Variants in DAB1 observed in about 807,000 individuals in gnomAD.
DAB1 encodes disabled homolog 1.
A neutral mutation model predicts 64.6 loss-of-function variants in DAB1; 15 were observed. The ratio of observed to expected loss-of-function variants is 0.23; its 90% CI spans 0.16 to 0.36. The LOEUF (loss-of-function observed/expected upper bound fraction) is 0.36. Among genes scored for constraint, DAB1 ranks in the 10% least tolerant of loss-of-function variants. The probability of loss-of-function intolerance (pLI) is 1.00; values close to 1 mark genes in which losing one functional copy is unlikely to be tolerated. For missense variants in DAB1, 596 were observed against 706.7 expected (o/e 0.84, Z 1.78); for synonymous variants, 235 against 251.9 (o/e 0.93, Z 0.64).
chr1:58,017,923 T>C (rs1646763933), intron 5 of DAB1, among the ~76,000 whole-genome samples: 1 of 152,226 alleles, frequency 6.6e-6, no homozygotes, highest in South Asian at 2.1e-4. Flanking sequence ...AGCACTGTGC[T>C]TGGCACTTTA....
chr1:57,067,987 G>A (rs534092862), intron 8 of DAB1, among the ~76,000 whole-genome samples: 3 of 152,248 alleles, frequency 2.0e-5, no homozygotes, highest in Admixed American at 1.3e-4. Context: ...AGAGAGCCTG[G>A]ACTACAACCC....
intron 3 of DAB1, among the ~76,000 whole-genome samples, chr1:58,454,475 A>G (rs1645171299): frequency 6.6e-6 from 1 of 152,134 alleles, no homozygotes; most frequent in Non-Finnish European, 1.5e-5. Flanking sequence ...GTTCACCTTG[A>G]GCAAGAGACG....
chr1:57,832,771 T>G (rs1652646214), intron 1 of DAB1, among the ~76,000 whole-genome samples: 2 of 152,140 alleles, frequency 1.3e-5, no homozygotes, highest in African/African-American at 4.8e-5. Flanking sequence ...TCCTGAGTCT[T>G]TGGTTATTCA....
chr1:57,791,765 C>G (rs1323839), intron 6 of DAB1, among the ~76,000 whole-genome samples: 3 of 152,086 alleles, frequency 2.0e-5, no homozygotes, highest in African/African-American at 7.3e-5. Context: ...TTGTCCTCCC[C>G]ACTGACAGTC....
intron 7 of DAB1, among the ~76,000 whole-genome samples, chr1:57,529,465 A>G (rs907807561): frequency 6.6e-6 from 1 of 152,150 alleles, no homozygotes; most frequent in African/African-American, 2.4e-5. Flanking sequence ...AGACTTAACT[A>G]TATATCATTT....
chr1:57,962,688 A>G (rs1018071228), intron 5 of DAB1, among the ~76,000 whole-genome samples: 1 of 151,686 alleles, frequency 6.6e-6, no homozygotes, highest in East Asian at 1.9e-4. Context: ...CCTGGATAAC[A>G]TAATCTCTAC....
At chr1:57,451,101 TC>T (rs548570314) in intron 7 of DAB1, among the ~76,000 whole-genome samples, 1 of 152,104 alleles carries the variant, frequency 6.6e-6, no homozygotes, top group Non-Finnish European at 1.5e-5. Flanking sequence ...TCCTTACAGG[TC>T]TATTCCTTGC....
At chr1:57,350,515 A>G (rs1678500526) in intron 1 of DAB1, among the ~76,000 whole-genome samples, 1 of 152,096 alleles carries the variant, frequency 6.6e-6, no homozygotes, top group South Asian at 2.1e-4. Context: ...CTTGGCCCCG[A>G]CTGCTGAATG....
chr1:57,034,413 C>A (rs1036577825), intron 9 of DAB1, among the ~76,000 whole-genome samples: 1 of 152,158 alleles, frequency 6.6e-6, no homozygotes, highest in African/African-American at 2.4e-5. Flanking sequence ...TCCTGAGTGT[C>A]CTCAGTACAT....
intron 4 of DAB1, among the ~76,000 whole-genome samples, chr1:58,152,567 G>T (rs2100735554): frequency 6.6e-6 from 1 of 152,266 alleles, no homozygotes; most frequent in Middle Eastern, 3.4e-3. Context: ...TGCAAAATGG[G>T]GAGAATGATG....
intron 4 of DAB1, among the ~76,000 whole-genome samples, chr1:58,237,800 G>A (rs1252814991): frequency 6.6e-6 from 1 of 152,102 alleles, no homozygotes; most frequent in Non-Finnish European, 1.5e-5. Flanking sequence ...TGTCATAGAT[G>A]ACCACTTTAC....
chr1:58,497,850 T>C (rs1262531335), intron 3 of DAB1, among the ~76,000 whole-genome samples: 3 of 152,166 alleles, frequency 2.0e-5, no homozygotes, highest in African/African-American at 7.2e-5. Context: ...TTAGTTTCAG[T>C]TGAAGATGGT....
chr1:57,912,104 CT>C (rs372146335), intron 5 of DAB1, among the ~76,000 whole-genome samples: 2 of 152,312 alleles, frequency 1.3e-5, no homozygotes, highest in African/African-American at 4.8e-5. Flanking sequence ...AATAATTCCA[CT>C]TCTGCAAATC....
chr1:57,267,332 A>G (rs1384243501), intron 2 of DAB1, among the ~76,000 whole-genome samples: 2 of 152,120 alleles, frequency 1.3e-5, no homozygotes, highest in Non-Finnish European at 2.9e-5. Flanking sequence ...CTGAGAAAGT[A>G]CATTTCTGTT....
At chr1:58,335,695 T>TG (rs1263464598) in intron 4 of DAB1, among the ~76,000 whole-genome samples, 8 of 151,998 alleles carry the variant, frequency 5.3e-5, no homozygotes, top group African/African-American at 1.9e-4. Flanking sequence ...ACTGGTTGGA[T>TG]GGGGATTATA....
intron 5 of DAB1, among the ~76,000 whole-genome samples, chr1:57,986,814 T>A (rs977112100): frequency 4.6e-5 from 7 of 152,222 alleles, no homozygotes; most frequent in African/African-American, 1.7e-4. Context: ...GTAACCATTA[T>A]TATTCAAATT....
At chr1:57,257,982 T>C (rs1669891592) in intron 2 of DAB1, among the ~76,000 whole-genome samples, 1 of 152,222 alleles carries the variant, frequency 6.6e-6, no homozygotes, top group Admixed American at 6.5e-5. Flanking sequence ...CAATATCCCA[T>C]GTAAGGCAAC....
intron 6 of DAB1, among the ~76,000 whole-genome samples, chr1:57,679,652 A>G (rs1558603680): frequency 6.6e-6 from 1 of 152,246 alleles, no homozygotes; most frequent in Non-Finnish European, 1.5e-5. Flanking sequence ...CACAAGCACA[A>G]GCACACGCAC....
At chr1:57,013,523 T>G (rs1414552318) in intron 12 of DAB1, among the ~76,000 whole-genome samples, 1 of 152,124 alleles carries the variant, frequency 6.6e-6, no homozygotes, top group African/African-American at 2.4e-5. Context: ...ATGGCCTGAG[T>G]GCAAGTGGGT....
Sources: gnomAD v4.1 joint callset for allele counts (sites outside exome capture counted in the v4.1 genomes callset) on GRCh38, gnomAD v4.1.1 for gene constraint, MANE v1.5 for transcripts, NCBI Gene and HGNC (gene_info 2026-07-23, HGNC 2026-07-21) for gene names.